The following CNIH3 variants were observed in gnomAD, a reference collection of about 807,000 sequenced individuals.
CNIH3 encodes cornichon family AMPA receptor auxiliary protein 3.
In CNIH3, 14 loss-of-function variants were observed where a neutral mutation model predicts 24.1. That is an observed-to-expected ratio of 0.58 (90% CI 0.38 to 0.91). The LOEUF is 0.91. Among genes scored for constraint, CNIH3 ranks in the 40% least tolerant of loss-of-function variants. The pLI, the probability that CNIH3 is intolerant of heterozygous loss-of-function variation, is 0.00. For synonymous variants in CNIH3, 68 were observed against 73.8 expected (o/e 0.92, Z 0.40); for missense variants, 178 against 196.8 (o/e 0.90, Z 0.57).
At chr1:224,728,008 C>G (rs1434937291) in intron 3 of CNIH3, among the ~76,000 whole-genome samples, 3 of 152,124 alleles carry the variant, frequency 2.0e-5, no homozygotes, top group African/African-American at 7.2e-5. Flanking sequence ...GTTGCAGCCT[C>G]CACAATAAAT....
At chr1:224,583,237 C>T (rs1681352825) in exon 5 of CNIH3, 1 of 152,246 alleles carries the variant, frequency 6.6e-6, no homozygotes, top group South Asian at 2.1e-4. Context: ...CGTGAGTGAC[C>T]ACAGAAGGCT....
At chr1:224,608,176 A>G (rs961466297) in intron 3 of CNIH3, among the ~76,000 whole-genome samples, 3 of 152,198 alleles carry the variant, frequency 2.0e-5, no homozygotes, top group Non-Finnish European at 4.4e-5. Flanking sequence ...AAGGAAATAA[A>G]GTACATTTGA....
chr1:224,459,273 G>A, intron 1 of CNIH3: 1 of 951,800 alleles, frequency 1.1e-6, no homozygotes, highest in Non-Finnish European at 1.3e-6. Flanking sequence ...CCGAAACCCT[G>A]ATGACTTCAC....
intron 1 of CNIH3, among the ~76,000 whole-genome samples, chr1:224,436,401 C>T (rs1674668825): frequency 6.6e-6 from 1 of 152,110 alleles, no homozygotes; most frequent in South Asian, 2.1e-4. Context: ...ATTTATTAGG[C>T]CCATAGCAAC....
chr1:224,616,373 C>A lies in CNIH3; in HGVS notation c.-802C>A. The A allele has an allele frequency of 1.4e-6, 1 of 706,976 alleles. No individual in the cohort carries two copies. The highest frequency in any genetic ancestry group is 3.8e-5 in the South Asian group (1 of 26,422). The allele number at this position is 706,976 out of a possible 1,614,324, so 43.8% of individuals were successfully genotyped here. A position where few individuals can be genotyped will look rare whatever the true frequency, so the allele number is the denominator to read the frequency against. ...CAGCGGCAGCAGCAGGTGGAGCGAG[C>A]TACAGCGTTTGGCCTGAAACCCACT... On this transcript the variant is annotated 5_prime_UTR_variant, in exon 1 of 6. Transcript: ENST00000272133.
chr1:224,523,483 A>G (rs548907275), intron 2 of CNIH3, among the ~76,000 whole-genome samples: 2 of 152,356 alleles, frequency 1.3e-5, no homozygotes, highest in South Asian at 2.1e-4. Flanking sequence ...AAGACTCAAG[A>G]CCAGGCAAAA....
At chr1:224,588,968 G>GTTTTTTTTTTTTTTTTTTTTTTTTTTTT (rs974335950), downstream of CNIH3, among the ~76,000 whole-genome samples, 1 of 112,346 alleles carries the variant, frequency 8.9e-6, no homozygotes, top group Non-Finnish European at 1.7e-5. Context: ...CTGACCCCCT[G>GTTTTTTTTTTTTTTTTTTTTTTTTTTTT]TTTTTTTTTT....
chr1:224,488,471 G>GGGT (rs1572347383), intron 1 of CNIH3, among the ~76,000 whole-genome samples: 3 of 137,038 alleles, frequency 2.2e-5, no homozygotes, highest in East Asian at 4.8e-4. Context: ...TTTTTTGGGG[G>GGGT]GTGGGGGGGA....
intron 2 of CNIH3, among the ~76,000 whole-genome samples, chr1:224,681,665 T>A (rs1017298258): frequency 6.6e-6 from 1 of 152,176 alleles, no homozygotes; most frequent in Admixed American, 6.5e-5. Context: ...CCCTGTGCCC[T>A]GGCTGTGCCT....
exon 6 of CNIH3, chr1:224,588,494 C>T (rs1474201732): frequency 6.6e-6 from 1 of 152,042 alleles, no homozygotes; most frequent in African/African-American, 2.4e-5. Flanking sequence ...TCTTTCCAAG[C>T]ACAAGAGTCA....
At chr1:224,495,031 C>T (rs970665169) in intron 1 of CNIH3, among the ~76,000 whole-genome samples, 4 of 152,224 alleles carry the variant, frequency 2.6e-5, no homozygotes, top group African/African-American at 7.2e-5. Flanking sequence ...TACTCATACA[C>T]GCATGCACAC....
At chr1:224,585,526 T>C (rs990983597) in intron 5 of CNIH3, among the ~76,000 whole-genome samples, 32 of 152,118 alleles carry the variant, frequency 2.1e-4, no homozygotes, top group African/African-American at 7.0e-4. Flanking sequence ...TTGCCCAGGC[T>C]GGATTGCAGT....
chr1:224,619,959 T>G (rs1683202512), intron 1 of CNIH3, among the ~76,000 whole-genome samples: 1 of 152,258 alleles, frequency 6.6e-6, no homozygotes, highest in Non-Finnish European at 1.5e-5. Flanking sequence ...AAGTTTTAAG[T>G]ACTTTACAGA....
chr1:224,502,120 C>T (rs1677700138), intron 1 of CNIH3, among the ~76,000 whole-genome samples: 1 of 151,986 alleles, frequency 6.6e-6, no homozygotes, highest in Non-Finnish European at 1.5e-5. Context: ...TGGGCAGAAC[C>T]CAGGAGTGCT....
chr1:224,488,998 T>C (rs1379071070), intron 1 of CNIH3, among the ~76,000 whole-genome samples: 1 of 152,216 alleles, frequency 6.6e-6, no homozygotes, highest in Non-Finnish European at 1.5e-5. Flanking sequence ...TTGATCTTCA[T>C]TGATTTTATT....
At chr1:224,454,465 G>T (rs577603859) in intron 1 of CNIH3, 1 of 337,094 alleles carries the variant, frequency 3.0e-6, no homozygotes, top group South Asian at 1.2e-4. Context: ...TACATTTCTG[G>T]TCCCGTCCCT....
intron 3 of CNIH3, among the ~76,000 whole-genome samples, chr1:224,716,205 C>G (rs1688421687): frequency 6.6e-6 from 1 of 152,210 alleles, no homozygotes; most frequent in South Asian, 2.1e-4. Flanking sequence ...AAAGGTAGGG[C>G]CAAAGGATTA....
At position 224,575,428 on chromosome 1, in the gene CNIH3, G is replaced by A. The variant is rs143231904; in HGVS notation, n.517-7736G>A. The A allele has an allele frequency of 1.2e-3, 1,081 of 920,578 alleles. 6 individuals are homozygous for A. The highest frequency in any genetic ancestry group is 0.011 in the African/African-American group (638 of 59,064). The allele number at this position is 920,578 out of a possible 1,614,324, so 57.0% of individuals were successfully genotyped here. A position where few individuals can be genotyped will look rare whatever the true frequency, so the allele number is the denominator to read the frequency against. Reference sequence around the variant, plus strand: ...TGCTTGTCCCCAAGTGACCTATACCGTGTTTTCTGTCTCATTTTTTTTTTT... The same window carrying A: ...TGCTTGTCCCCAAGTGACCTATACCATGTTTTCTGTCTCATTTTTTTTTTT... On this transcript the variant is annotated intron_variant and non_coding_transcript_variant, in intron 4 of 5. Coordinates refer to the CNIH3 transcript ENST00000471578.
chr1:224,690,714 G>T (rs1355609301), intron 3 of CNIH3, among the ~76,000 whole-genome samples: 1 of 152,226 alleles, frequency 6.6e-6, no homozygotes, highest in Non-Finnish European at 1.5e-5. Context: ...GCTGTAGTGG[G>T]TGGATTATTT....
Sources: allele counts gnomAD v4.1 joint callset (sites outside exome capture counted in the v4.1 genomes callset), GRCh38; gene constraint gnomAD v4.1.1; transcripts MANE v1.5; gene names NCBI Gene and HGNC (gene_info 2026-07-23, HGNC 2026-07-21).